Variants in FSTL4 observed in about 807,000 individuals in gnomAD.
FSTL4 encodes the protein follistatin like 4.
A neutral mutation model predicts 78.2 loss-of-function variants in FSTL4; 28 were observed. The ratio of observed to expected loss-of-function variants is 0.36; its 90% CI spans 0.27 to 0.49. The LOEUF (loss-of-function observed/expected upper bound fraction) is 0.49. Ranked by LOEUF, FSTL4 falls within the 20% of genes least tolerant of loss-of-function variation. The pLI is 0.98. For synonymous variants in FSTL4, 422 were observed against 440.5 expected, an observed-to-expected ratio of 0.96 and a Z score of 0.53; for missense variants, 922 against 1,084.9, an observed-to-expected ratio of 0.85 and a Z score of 2.11.
the FSTL4 span, among the ~76,000 whole-genome samples, chr5:133,768,435 AC>A: frequency 3.3e-5 from 5 of 152,216 alleles, no homozygotes; most frequent in Non-Finnish European, 7.3e-5. Context: ...CCTATGAAGG[AC>A]AAGAATCACA....
At chr5:133,368,843 C>A (rs889992151) in intron 4 of FSTL4, among the ~76,000 whole-genome samples, 1 of 152,252 alleles carries the variant, frequency 6.6e-6, no homozygotes, top group South Asian at 2.1e-4. Context: ...TGTCCCCCAA[C>A]TGTGGACATG....
At chr5:133,706,059 T>C in the FSTL4 span, among the ~76,000 whole-genome samples, 1 of 152,222 alleles carries the variant, frequency 6.6e-6, no homozygotes, top group Non-Finnish European at 1.5e-5. Context: ...CTGTCAACAG[T>C]GTAGGTGTCC....
At position 133,334,982 on chromosome 5, in the gene FSTL4, A is replaced by G. The variant is rs185869540; in HGVS notation, c.410-18330T>C. Among the ~76,000 whole-genome samples the G allele has an allele frequency of 1.8e-3, 270 of 152,312 alleles. 1 individual carries two copies. Among genetic ancestry groups the G allele is most frequent in the Non-Finnish European group, 2.0e-3 (133 of 68,006 alleles). On this transcript the variant is annotated intron_variant, in intron 4 of 15. Transcript: ENST00000265342. ...CCCCAGGGCGTCCTGGCCTCACCCAATACTCAGCTCCCAGAGGTATCTAAA... is the reference window on the plus strand; with the variant it reads ...CCCCAGGGCGTCCTGGCCTCACCCAGTACTCAGCTCCCAGAGGTATCTAAA...
chr5:133,790,847 C>T, the FSTL4 span, among the ~76,000 whole-genome samples: 3 of 152,240 alleles, frequency 2.0e-5, no homozygotes, highest in Non-Finnish European at 4.4e-5. Context: ...GTCTAGCCCT[C>T]GCCTCTCACC....
At chr5:133,712,017 G>A in the FSTL4 span, among the ~76,000 whole-genome samples, 12 of 152,200 alleles carry the variant, frequency 7.9e-5, no homozygotes, top group African/African-American at 2.4e-4. Flanking sequence ...AAAATACCCC[G>A]CCCAGGGCTT....
At chr5:133,653,344 A>G in the FSTL4 span, among the ~76,000 whole-genome samples, 1 of 152,128 alleles carries the variant, frequency 6.6e-6, no homozygotes, top group African/African-American at 2.4e-5. Flanking sequence ...GAACTTTCTG[A>G]GGTGAAGTAC....
intron 3 of FSTL4, among the ~76,000 whole-genome samples, chr5:133,523,556 G>A (rs188160306): frequency 6.0e-5 from 9 of 151,156 alleles, no homozygotes; most frequent in South Asian, 2.1e-4. Context: ...AGGCTGTTAC[G>A]CCTATTACAA....
At chr5:133,742,216 T>C in the FSTL4 span, among the ~76,000 whole-genome samples, 1 of 152,184 alleles carries the variant, frequency 6.6e-6, no homozygotes, top group Non-Finnish European at 1.5e-5. Flanking sequence ...GCCAAGAAAC[T>C]AGCAGGGCCG....
intron 3 of FSTL4, among the ~76,000 whole-genome samples, chr5:133,516,782 G>A (rs1410757651): frequency 6.6e-6 from 1 of 152,114 alleles, no homozygotes; most frequent in Non-Finnish European, 1.5e-5. Flanking sequence ...AGCAGGAACA[G>A]GCAGATCAAA....
rs187724985 is a variant in FSTL4 at position 133,490,173 on chromosome 5, C to A, written c.160+77013G>T. 2.0e-5 allele frequency among the ~76,000 whole-genome samples: 3 copies of A among 151,648 alleles called. No individual in the cohort carries two copies. The East Asian group carries it at 5.8e-4, about 29-fold the overall frequency. ...AATCTGCAGGGTGCCATGAAAAATG[C>A]CGGAATGTCCTACAATAGAAGTGTT... On this transcript the variant is annotated intron_variant, in intron 3 of 15. Transcript: ENST00000265342.
chr5:133,395,223 A>G (rs867280127), intron 4 of FSTL4, among the ~76,000 whole-genome samples: 1 of 152,130 alleles, frequency 6.6e-6, no homozygotes, highest in Non-Finnish European at 1.5e-5. Flanking sequence ...TCTTTGCAAT[A>G]AATATTGCTG....
the FSTL4 span, among the ~76,000 whole-genome samples, chr5:133,760,098 G>T: frequency 6.6e-6 from 1 of 152,192 alleles, no homozygotes; most frequent in Non-Finnish European, 1.5e-5. Context: ...ATTGTACAGG[G>T]CTTGCAAGGA....
chr5:133,750,820 C>G, the FSTL4 span, among the ~76,000 whole-genome samples: 1 of 152,122 alleles, frequency 6.6e-6, no homozygotes, highest in African/African-American at 2.4e-5. Flanking sequence ...GGCTGCAGGG[C>G]TGGGGCACAA....
At chr5:133,681,439 G>C in the FSTL4 span, among the ~76,000 whole-genome samples, 1 of 152,196 alleles carries the variant, frequency 6.6e-6, no homozygotes, top group Admixed American at 6.5e-5. Flanking sequence ...AGACGGACTT[G>C]GCTGCGGCCC....
At chr5:133,580,036 G>A (rs1016700254) in intron 2 of FSTL4, among the ~76,000 whole-genome samples, 13 of 152,174 alleles carry the variant, frequency 8.5e-5, no homozygotes, top group Non-Finnish European at 1.9e-4. Flanking sequence ...AGTGCTTAAG[G>A]TCAGGCACAC....
chr5:133,811,094 T>C, the FSTL4 span, among the ~76,000 whole-genome samples: 1 of 152,226 alleles, frequency 6.6e-6, no homozygotes, highest in Non-Finnish European at 1.5e-5. Flanking sequence ...AAGTGCATTA[T>C]TTCCAAGCAG....
At chr5:133,709,885 G>A in the FSTL4 span, among the ~76,000 whole-genome samples, 1 of 152,210 alleles carries the variant, frequency 6.6e-6, no homozygotes, top group Admixed American at 6.5e-5. Context: ...AAGGGGCTCT[G>A]ACACATCTCT....
chr5:133,307,711 A>T (rs552412911), intron 6 of FSTL4, among the ~76,000 whole-genome samples: 30 of 151,982 alleles, frequency 2.0e-4, no homozygotes, highest in African/African-American at 7.0e-4. Flanking sequence ...ATGTACTTGA[A>T]GTCAGGACAG....
the FSTL4 span, among the ~76,000 whole-genome samples, chr5:133,805,509 G>A: frequency 6.6e-6 from 1 of 152,196 alleles, no homozygotes; most frequent in Non-Finnish European, 1.5e-5. Flanking sequence ...AGTGGTGAGA[G>A]GATGGGGTTG....
Sources: allele counts gnomAD v4.1 joint callset (sites outside exome capture counted in the v4.1 genomes callset), GRCh38; gene constraint gnomAD v4.1.1; transcripts MANE v1.5; gene names NCBI Gene and HGNC (gene_info 2026-07-23, HGNC 2026-07-21).